The following SLC44A1 variants were observed in gnomAD, a reference collection of about 807,000 sequenced individuals.
SLC44A1 encodes solute carrier family 44 member 1, also known as choline transporter-like protein 1.
A neutral mutation model predicts 79.3 loss-of-function variants in SLC44A1; 26 were observed. The observed-to-expected ratio is 0.33, with a 90% CI of 0.24 to 0.46. The LOEUF (loss-of-function observed/expected upper bound fraction) is 0.46, where lower values mean the gene tolerates loss of function less well. Among genes scored for constraint, SLC44A1 ranks in the 20% least tolerant of loss-of-function variants. The pLI is 1.00. For synonymous variants in SLC44A1, 263 were observed against 286.2 expected, an observed-to-expected ratio of 0.92 and a Z score of 0.82; for missense variants, 688 against 798.1, an observed-to-expected ratio of 0.86 and a Z score of 1.66.
chr9:105,321,768 A>G (rs1826399631), intron 3 of SLC44A1, among the ~76,000 whole-genome samples: 2 of 152,066 alleles, frequency 1.3e-5, no homozygotes, highest in Admixed American at 1.3e-4. Flanking sequence ...ATAAAATCTA[A>G]CAGGATATAT....
intron 3 of SLC44A1, among the ~76,000 whole-genome samples, chr9:105,321,900 T>C (rs35825389): frequency 0.066 from 10,094 of 152,106 alleles, 806 homozygotes; most frequent in African/African-American, 0.2. Context: ...AAAGTTATTA[T>C]ATAGATTTAA....
Position 105,391,810 on chromosome 9 carries a change from A to G in SLC44A1, c.*2754A>G, listed in dbSNP as rs999649302. ...GAAATGTGGATACCCGAATAATTTC[A>G]TAAATCATTGATTCTATGTGGTGGT... On this transcript the variant is annotated 3_prime_UTR_variant, in exon 16 of 16. Coordinates refer to ENST00000374720, the MANE Select transcript of SLC44A1 (RefSeq NM_080546.5). 18 of 985,232 alleles carry G rather than the reference A, an allele frequency of 1.8e-5. No homozygotes were observed. The highest frequency in any genetic ancestry group is 2.2e-5 in the Non-Finnish European group (18 of 829,750). 61.0% of individuals were successfully genotyped at this position (985,232 alleles called of 1,614,324 possible).
chr9:105,425,998 T>C (rs1829317992), intron 15 of SLC44A1, among the ~76,000 whole-genome samples: 1 of 152,220 alleles, frequency 6.6e-6, no homozygotes, highest in Admixed American at 6.5e-5. Flanking sequence ...TAACATGATC[T>C]GATTTATATC....
intron 12 of SLC44A1, among the ~76,000 whole-genome samples, chr9:105,370,773 A>G (rs909094318): frequency 1.4e-4 from 21 of 152,186 alleles, no homozygotes; most frequent in Non-Finnish European, 2.9e-4. Flanking sequence ...ATTCATGGTA[A>G]ACTGGAAAGG....
intron 3 of SLC44A1, among the ~76,000 whole-genome samples, chr9:105,326,803 C>A (rs1252594634): frequency 6.6e-6 from 1 of 152,184 alleles, no homozygotes; most frequent in Non-Finnish European, 1.5e-5. Context: ...TTTATATATG[C>A]CGATTATTCC....
At chr9:105,282,084 G>A (rs1022247800) in intron 1 of SLC44A1, among the ~76,000 whole-genome samples, 8 of 152,188 alleles carry the variant, frequency 5.3e-5, no homozygotes, top group African/African-American at 1.9e-4. Flanking sequence ...TGCCGTAATT[G>A]TATACAAACC....
At chr9:105,419,741 C>T (rs1284319673) in intron 15 of SLC44A1, among the ~76,000 whole-genome samples, 1 of 151,760 alleles carries the variant, frequency 6.6e-6, no homozygotes, top group Non-Finnish European at 1.5e-5. Context: ...ATGATGAAAC[C>T]TCATCTCTAC....
At chr9:105,273,105 C>T (rs1309758578) in intron 1 of SLC44A1, among the ~76,000 whole-genome samples, 2 of 152,064 alleles carry the variant, frequency 1.3e-5, no homozygotes, top group Non-Finnish European at 2.9e-5. Flanking sequence ...AATTCTCCTG[C>T]CTCAGCCTCC....
At chr9:105,314,612 C>A (rs963591065) in intron 3 of SLC44A1, among the ~76,000 whole-genome samples, 1 of 152,094 alleles carries the variant, frequency 6.6e-6, no homozygotes, top group Non-Finnish European at 1.5e-5. Context: ...CATTTAAAGT[C>A]CCAGTCACTG....
chr9:105,407,737 G>A (rs1829046519), intron 15 of SLC44A1, among the ~76,000 whole-genome samples: 1 of 151,510 alleles, frequency 6.6e-6, no homozygotes. Context: ...GGGCGTGATG[G>A]CACATGTCTG....
chr9:105,279,259 A>G (rs755764585), intron 1 of SLC44A1, among the ~76,000 whole-genome samples: 6 of 151,738 alleles, frequency 4.0e-5, no homozygotes, highest in Non-Finnish European at 7.4e-5. Context: ...CTCAAAAAAC[A>G]TTTGAAAAAG....
At chr9:105,324,938 C>T (rs559251193) in intron 3 of SLC44A1, among the ~76,000 whole-genome samples, 103 of 152,336 alleles carry the variant, frequency 6.8e-4, no homozygotes, top group African/African-American at 2.4e-3. Flanking sequence ...TGTAAACAAT[C>T]TGACAGTCCA....
Position 105,393,330 on chromosome 9 carries a change from C to T in SLC44A1, c.*4274C>T, listed in dbSNP as rs1354347393. On this transcript the variant is annotated 3_prime_UTR_variant, in exon 16 of 16. Coordinates refer to ENST00000374720, the MANE Select transcript of SLC44A1 (RefSeq NM_080546.5). ...TTTGTTAACTTAGTGGCACATAGTC[C>T]AAATTTTTAAAAAGCAAGACCCTTG... is the stretch of plus-strand genomic sequence containing the variant. 2 of 985,120 alleles carry T rather than the reference C, an allele frequency of 2.0e-6. No individual in the cohort carries two copies. The highest frequency in any genetic ancestry group is 2.4e-6 in the Non-Finnish European group (2 of 829,850). 61.0% of individuals were successfully genotyped at this position (985,120 alleles called of 1,614,324 possible). A position where few individuals can be genotyped will look rare whatever the true frequency, so the allele number is the denominator to read the frequency against.
chr9:105,399,568 C>T (rs1384377383), downstream of SLC44A1, among the ~76,000 whole-genome samples: 1 of 152,090 alleles, frequency 6.6e-6, no homozygotes, highest in Admixed American at 6.5e-5. Context: ...GAATCCCAGG[C>T]TAGGCATATG....
rs143544251 is a variant in SLC44A1 at position 105,339,298 on chromosome 9, C to T, written c.406+3599C>T. ...GTAGAGAATCGGAACCTTTGTGTAC[C>T]GTTGATGGGAATGTAAAACAGTGCA... On this transcript the variant is annotated intron_variant, in intron 4 of 15. Coordinates refer to ENST00000374720, the MANE Select transcript of SLC44A1 (RefSeq NM_080546.5). 5.3e-3 allele frequency among the ~76,000 whole-genome samples: 804 copies of T among 151,560 alleles called. 11 individuals are homozygous for T. The highest frequency in any genetic ancestry group is 0.018 in the African/African-American group (753 of 41,354).
chr9:105,316,235 G>A (rs997025548), intron 3 of SLC44A1, among the ~76,000 whole-genome samples: 4 of 152,102 alleles, frequency 2.6e-5, no homozygotes, highest in East Asian at 1.9e-4. Context: ...TGAAGAGAGA[G>A]GTGTAAGGGT....
At chr9:105,388,519 A>G (rs1225852423) in intron 15 of SLC44A1, among the ~76,000 whole-genome samples, 1 of 152,226 alleles carries the variant, frequency 6.6e-6, no homozygotes, top group Non-Finnish European at 1.5e-5. Flanking sequence ...AGCCTATAAA[A>G]TAATGTTCAG....
At chr9:105,326,636 A>G (rs1317786128) in intron 3 of SLC44A1, among the ~76,000 whole-genome samples, 1 of 152,206 alleles carries the variant, frequency 6.6e-6, no homozygotes, top group East Asian at 1.9e-4. Context: ...ATTCGAAACT[A>G]TGAAGTATAA....
At chr9:105,429,365 C>A (rs10119410) in intron 15 of SLC44A1, among the ~76,000 whole-genome samples, 6,251 of 152,086 alleles carry the variant, frequency 0.041, 411 homozygotes, top group African/African-American at 0.14. Flanking sequence ...TGCAGTGGCA[C>A]GATCACAGCT....
Sources: allele counts gnomAD v4.1 joint callset (sites outside exome capture counted in the v4.1 genomes callset), GRCh38; gene constraint gnomAD v4.1.1; transcripts MANE v1.5; gene names NCBI Gene and HGNC (gene_info 2026-07-23, HGNC 2026-07-21).